SH3KBP1: variants seen among roughly 807,000 people sequenced by gnomAD.
SH3KBP1 encodes SH3 domain containing kinase binding protein 1, also known as SH3 domain-containing kinase-binding protein 1.
A neutral mutation model predicts 50.1 loss-of-function variants in SH3KBP1; 8 were observed. The observed-to-expected ratio is 0.16, with a 90% CI of 0.09 to 0.29. The LOEUF is 0.29. SH3KBP1 is among the 10% of genes least tolerant of loss of function. The probability of loss-of-function intolerance (pLI) is 1.00; values close to 1 mark genes in which losing one functional copy is unlikely to be tolerated. For synonymous variants in SH3KBP1, 227 were observed against 218.6 expected (o/e 1.04, Z -0.34); for missense variants, 377 against 535.2 (o/e 0.70, Z 2.92).
At chrX:19,626,067 A>G (rs777278620) in intron 8 of SH3KBP1, among the ~76,000 whole-genome samples, 1 of 111,872 alleles carries the variant, frequency 8.9e-6, no homozygotes, top group Non-Finnish European at 1.9e-5. Flanking sequence ...TCCTGAGGAA[A>G]GGGGAATGGT....
In SH3KBP1 at chrX:19,606,664, C is replaced by T. The variant is rs1211605017; in HGVS notation, c.1005+1274G>A. Among the ~76,000 whole-genome samples, 4 of 112,092 alleles carry T rather than the reference C, an allele frequency of 3.6e-5. No homozygotes were observed. In the Admixed American group the frequency reaches 3.8e-4, roughly 11 times the overall value. ...TGCTTCTACACTAGTGCTTCCTATA[C>T]TGTAATATGCAAGCAAATCACCAGA... On this transcript the variant is annotated intron_variant, in intron 9 of 17. Coordinates refer to ENST00000397821, the MANE Select transcript of SH3KBP1 (RefSeq NM_031892.3).
Position 19,610,095 on chromosome X carries a change from C to T in SH3KBP1, c.898-2050G>A, listed in dbSNP as rs200814909. On this transcript the variant is annotated intron_variant, in intron 8 of 17. Coordinates refer to ENST00000397821, the MANE Select transcript of SH3KBP1 (RefSeq NM_031892.3). ...AGTCACAGACTATAAATTCTAGCCC[C>T]AACTAACAACAAAAAAAACCAAAGA... Among the ~76,000 whole-genome samples the T allele has an allele frequency of 2.7e-5, 3 of 111,369 alleles. No individual in the cohort carries two copies. In the East Asian group the frequency reaches 8.5e-4, roughly 32 times the overall value.
chrX:19,742,738 G>T (rs60875830), intron 3 of SH3KBP1, among the ~76,000 whole-genome samples: 2,834 of 111,558 alleles, frequency 0.025, 90 homozygotes, highest in African/African-American at 0.087. Flanking sequence ...AGAAACAAAA[G>T]AATCAATCAT....
intron 6 of SH3KBP1, among the ~76,000 whole-genome samples, chrX:19,669,535 C>G (rs1045498775): frequency 2.7e-5 from 3 of 110,647 alleles, no homozygotes; most frequent in South Asian, 7.6e-4. Context: ...GACTTTCCCA[C>G]GTTTTTCACA....
At chrX:19,878,472 T>TTTTGTGTG (rs1732122824) in intron 1 of SH3KBP1, among the ~76,000 whole-genome samples, 1 of 73,052 alleles carries the variant, frequency 1.4e-5, no homozygotes, top group African/African-American at 6.5e-5. Context: ...CCTGGCTAAT[T>TTTTGTGTG]TGTGTGTGTG....
In SH3KBP1 at chrX:19,683,912, C is replaced by T; in HGVS notation, c.637G>A (p.Val213Met). The change falls in exon 6 of 18, where the codon GTG (valine) becomes ATG (methionine). Residue 213 changes from valine to methionine, a missense_variant. Physicochemically the swap from Val to Met is conservative, Grantham distance 21 (BLOSUM62 1). Coordinates refer to ENST00000397821, the MANE Select transcript of SH3KBP1 (RefSeq NM_031892.3). ...AAIQPKKVKG[V>M]GFGDIFKDKP... ...TCTTTGAAAATGTCTCCAAAGCCCA[C>T]TCCCTTAACTTTCTTGGGCTGGATT... 1 of 1,211,102 alleles carries T rather than the reference C, an allele frequency of 8.3e-7. No individual in the cohort carries two copies. The highest frequency in any genetic ancestry group is 1.1e-6 in the Non-Finnish European group (1 of 894,751).
At chrX:19,687,805 T>A (rs1178704804) in intron 5 of SH3KBP1, 1 of 534,319 alleles carries the variant, frequency 1.9e-6, no homozygotes, top group East Asian at 3.4e-5. Flanking sequence ...TTGCCTTCAA[T>A]GAATCTGCTG....
intron 3 of SH3KBP1, among the ~76,000 whole-genome samples, chrX:19,739,476 G>A (rs2064705152): frequency 9.0e-6 from 1 of 111,338 alleles, no homozygotes; most frequent in Non-Finnish European, 1.9e-5. Context: ...TATTAGGCAG[G>A]AGATTTTGGC....
chrX:19,798,345 C>T (rs1308021874), intron 2 of SH3KBP1, among the ~76,000 whole-genome samples: 1 of 110,877 alleles, frequency 9.0e-6, no homozygotes, highest in African/African-American at 3.3e-5. Flanking sequence ...CCTCGGCCTC[C>T]CAAAGTGCTG....
intron 1 of SH3KBP1, among the ~76,000 whole-genome samples, chrX:19,864,195 A>G (rs913618031): frequency 1.8e-5 from 2 of 111,527 alleles, no homozygotes; most frequent in Non-Finnish European, 3.8e-5. Context: ...AACTTCCTGA[A>G]ACTCTGCAAA....
intron 4 of SH3KBP1, among the ~76,000 whole-genome samples, chrX:19,700,803 C>A (rs1430340524): frequency 9.0e-6 from 1 of 111,709 alleles, no homozygotes; most frequent in Non-Finnish European, 1.9e-5. Flanking sequence ...AATGGCTGGA[C>A]CAATATTTTC....
intron 2 of SH3KBP1, among the ~76,000 whole-genome samples, chrX:19,821,100 A>C (rs1205804811): frequency 2.7e-5 from 3 of 112,216 alleles, no homozygotes; most frequent in Non-Finnish European, 1.9e-5. Flanking sequence ...TTTAAAAATT[A>C]ATGATACAAG....
At chrX:19,757,405 T>C (rs72616087) in intron 2 of SH3KBP1, among the ~76,000 whole-genome samples, 22,982 of 109,664 alleles carry the variant, frequency 0.21, 2,120 homozygotes, top group African/African-American at 0.34. Flanking sequence ...GCAATGTAAA[T>C]TGATAGCTTA....
chrX:19,756,753 T>C (rs1304035426), intron 2 of SH3KBP1, among the ~76,000 whole-genome samples: 2 of 110,596 alleles, frequency 1.8e-5, no homozygotes, highest in Non-Finnish European at 3.8e-5. Context: ...AGAACATAAA[T>C]GTGTATCAGT....
intron 9 of SH3KBP1, among the ~76,000 whole-genome samples, chrX:19,595,635 T>G (rs1290578675): frequency 2.8e-5 from 3 of 108,873 alleles, no homozygotes; most frequent in African/African-American, 1.0e-4. Context: ...TTTTCTCACA[T>G]GCTGTCACTC....
At chrX:19,594,655 A>C (rs1179355183) in intron 10 of SH3KBP1, among the ~76,000 whole-genome samples, 1 of 111,661 alleles carries the variant, frequency 9.0e-6, no homozygotes, top group Non-Finnish European at 1.9e-5. Flanking sequence ...ACTTAAAAAA[A>C]CCCAAACTTG....
intron 15 of SH3KBP1, among the ~76,000 whole-genome samples, chrX:19,543,199 A>G (rs752031394): frequency 9.0e-6 from 1 of 111,438 alleles, no homozygotes; most frequent in Non-Finnish European, 1.9e-5. Context: ...GAGCAGGGAG[A>G]TGTGGTCCTG....
intron 1 of SH3KBP1, among the ~76,000 whole-genome samples, chrX:19,869,676 C>T (rs1016859655): frequency 8.9e-6 from 1 of 112,274 alleles, no homozygotes; most frequent in African/African-American, 3.2e-5. Flanking sequence ...CAAATATTGG[C>T]GAGAACAGGG....
intron 1 of SH3KBP1, among the ~76,000 whole-genome samples, chrX:19,857,843 C>A (rs2068687654): frequency 8.9e-6 from 1 of 111,946 alleles, no homozygotes; most frequent in Non-Finnish European, 1.9e-5. Flanking sequence ...TTCCAAACTT[C>A]CTTGAATTCT....
Sources: allele counts gnomAD v4.1 joint callset (sites outside exome capture counted in the v4.1 genomes callset), GRCh38; gene constraint gnomAD v4.1.1; transcripts MANE v1.5; gene names NCBI Gene and HGNC (gene_info 2026-07-23, HGNC 2026-07-21).